CPLX2: variants seen among roughly 807,000 people sequenced by gnomAD.
The protein encoded by CPLX2 is complexin-2.
Under a neutral mutation model 16.3 loss-of-function variants are expected in CPLX2, and 5 were observed. That is an observed-to-expected ratio of 0.31 (90% CI 0.16 to 0.64). The LOEUF (loss-of-function observed/expected upper bound fraction) is 0.64. Ranked by LOEUF, CPLX2 falls within the 30% of genes least tolerant of loss-of-function variation. The pLI, the probability that CPLX2 is intolerant of heterozygous loss-of-function variation, is 0.79. For synonymous variants in CPLX2, 89 were observed against 73.2 expected, an observed-to-expected ratio of 1.22 and a Z score of -1.10; for missense variants, 144 against 181.4, an observed-to-expected ratio of 0.79 and a Z score of 1.18.
chr5:175,833,438 A>G (rs575827344), intron 2 of CPLX2, among the ~76,000 whole-genome samples: 3 of 152,296 alleles, frequency 2.0e-5, no homozygotes, highest in East Asian at 3.9e-4. Flanking sequence ...AATACAAAGA[A>G]GCATGGGGGG....
chr5:175,815,385 A>G (rs571985684), intron 2 of CPLX2, among the ~76,000 whole-genome samples: 51 of 152,240 alleles, frequency 3.3e-4, no homozygotes, highest in African/African-American at 1.2e-3. Context: ...CGGAGAGCAC[A>G]TGCATGGAGG....
At chr5:175,856,469 C>G (rs1233181638) in intron 2 of CPLX2, among the ~76,000 whole-genome samples, 1 of 152,186 alleles carries the variant, frequency 6.6e-6, no homozygotes. Flanking sequence ...CTTTCAAATG[C>G]AACATCTGAG....
At chr5:175,843,843 G>T (rs963757950) in intron 2 of CPLX2, among the ~76,000 whole-genome samples, 1 of 152,234 alleles carries the variant, frequency 6.6e-6, no homozygotes, top group African/African-American at 2.4e-5. Context: ...CTATAGCCCC[G>T]GGCCAGGTGG....
chr5:175,868,196 C>T (rs1759513383), upstream of CPLX2, among the ~76,000 whole-genome samples: 1 of 152,222 alleles, frequency 6.6e-6, no homozygotes, highest in African/African-American at 2.4e-5. Flanking sequence ...CACCCCCTCA[C>T]CTCCCACATG....
chr5:175,805,788 C>T (rs539556856), intron 1 of CPLX2, among the ~76,000 whole-genome samples: 5 of 152,332 alleles, frequency 3.3e-5, no homozygotes, highest in African/African-American at 9.6e-5. Flanking sequence ...GCTGCCACAG[C>T]GATTTTCTCG....
chr5:175,869,563 T>G (rs1479649921), upstream of CPLX2, among the ~76,000 whole-genome samples: 1 of 152,178 alleles, frequency 6.6e-6, no homozygotes, highest in Non-Finnish European at 1.5e-5. Context: ...CAGTTATTCA[T>G]CCATTCAAGC....
Position 175,878,657 on chromosome 5 carries a change from C to T in CPLX2, c.-83C>T, listed in dbSNP as rs1388556762. On this transcript the variant is annotated 5_prime_UTR_variant, in exon 2 of 4. Transcript: ENST00000393745. ...CTCCCAATTCTCTTCTGCAGGTTGT[C>T]ACATCTTCCCAAGCCAGGCCAGCCA... 2 of 1,524,824 alleles carry T rather than the reference C, an allele frequency of 1.3e-6. No homozygotes were observed. The allele number at this position is 1,524,824 out of a possible 1,614,324, so 94.5% of individuals were successfully genotyped here.
intron 2 of CPLX2, among the ~76,000 whole-genome samples, chr5:175,841,790 G>A (rs755117330): frequency 9.2e-5 from 14 of 152,190 alleles, no homozygotes; most frequent in Admixed American, 4.6e-4. Flanking sequence ...CTCCTGCCTG[G>A]GTGGGAGTGA....
upstream of CPLX2, chr5:175,871,439 G>GAGAGAGAGAGAA (rs1561790355): frequency 1.8e-3 from 132 of 72,618 alleles, 8 homozygotes; most frequent in African/African-American, 5.4e-3. Flanking sequence ...GAGACAGAGA[G>GAGAGAGAGAGAA]AGAGAGAGAG....
At chr5:175,808,868 G>T (rs1351916670) in intron 1 of CPLX2, 2 of 152,222 alleles carry the variant, frequency 1.3e-5, no homozygotes, top group Non-Finnish European at 2.9e-5. Flanking sequence ...GAGCAGCAGT[G>T]GTGGCCTCCG....
At chr5:175,860,926 C>T in intron 2 of CPLX2, among the ~76,000 whole-genome samples, 1 of 149,138 alleles carries the variant, frequency 6.7e-6, no homozygotes, top group Non-Finnish European at 1.5e-5. Context: ...ATCCCAATGA[C>T]ATAATGCCAT....
chr5:175,842,935 G>C (rs1453892594), intron 2 of CPLX2, among the ~76,000 whole-genome samples: 5 of 152,200 alleles, frequency 3.3e-5, no homozygotes, highest in Non-Finnish European at 7.4e-5. Context: ...TTCCCCTCTA[G>C]GCCCTGGCGC....
At chr5:175,875,981 C>T (rs1759747321) in intron 1 of CPLX2, among the ~76,000 whole-genome samples, 1 of 151,938 alleles carries the variant, frequency 6.6e-6, no homozygotes, top group Non-Finnish European at 1.5e-5. Context: ...TGCTGGCAAG[C>T]AGAGGTGGCC....
intron 2 of CPLX2, among the ~76,000 whole-genome samples, chr5:175,832,061 C>T (rs1239447460): frequency 1.3e-5 from 2 of 152,238 alleles, no homozygotes; most frequent in African/African-American, 4.8e-5. Flanking sequence ...ATTATTTCCA[C>T]CATCTGGGAT....
intron 1 of CPLX2, among the ~76,000 whole-genome samples, chr5:175,797,215 C>T (rs914174257): frequency 3.3e-5 from 5 of 152,154 alleles, no homozygotes; most frequent in Non-Finnish European, 5.9e-5. Context: ...GGGTCTGGGG[C>T]CCCCAGCGCG....
At chr5:175,857,834 T>C (rs1759289557) in intron 2 of CPLX2, among the ~76,000 whole-genome samples, 1 of 152,218 alleles carries the variant, frequency 6.6e-6, no homozygotes, top group Non-Finnish European at 1.5e-5. Flanking sequence ...TCACCCAGTA[T>C]TCCAGCTCAG....
intron 2 of CPLX2, among the ~76,000 whole-genome samples, chr5:175,851,481 G>A (rs1016533983): frequency 6.6e-6 from 1 of 152,180 alleles, no homozygotes; most frequent in Admixed American, 6.5e-5. Flanking sequence ...CGTGACTGGA[G>A]GGAGATTTCC....
chr5:175,873,281 ACACACGCACGCACT>A (rs1759679485), intron 1 of CPLX2, among the ~76,000 whole-genome samples: 2 of 151,878 alleles, frequency 1.3e-5, no homozygotes, highest in Non-Finnish European at 2.9e-5. Context: ...CACACCCTGC[ACACACGCACGCACT>A]CACACGATGT....
chr5:175,860,594 G>GGAAGGAAGGAAGGAAT (rs1759354485), intron 2 of CPLX2, among the ~76,000 whole-genome samples: 1 of 119,570 alleles, frequency 8.4e-6, no homozygotes, highest in Non-Finnish European at 1.9e-5. Flanking sequence ...AGGGAAGGAA[G>GGAAGGAAGGAAGGAAT]GAAGGAAGGA....
Sources: allele counts gnomAD v4.1 joint callset (sites outside exome capture counted in the v4.1 genomes callset), GRCh38; gene constraint gnomAD v4.1.1; transcripts MANE v1.5; gene names NCBI Gene and HGNC (gene_info 2026-07-23, HGNC 2026-07-21).